Variants in FBLN2 observed in about 807,000 individuals in gnomAD.
The protein encoded by FBLN2 is fibulin-2.
FBLN2 carries 81 observed loss-of-function variants against 123.7 expected under a neutral mutation model. The ratio of observed to expected loss-of-function variants is 0.65; its 90% CI spans 0.55 to 0.79. The LOEUF is 0.79. FBLN2 is among the 30% of genes least tolerant of loss of function. The pLI is 0.00. For missense variants in FBLN2, 1,603 were observed against 1,681.3 expected (o/e 0.95, Z 0.81); for synonymous variants, 699 against 701.4 (o/e 1.00, Z 0.05).
Position 13,631,318 on chromosome 3 carries a change from C to A in FBLN2, c.3086-11C>A. 1 of 1,600,322 alleles carries A rather than the reference C, an allele frequency of 6.2e-7. No individual in the cohort carries two copies. ...ACGAGGTTCACCAGGGGCTGAACCT[C>A]TCTCTGACAGACATCGACGAGTGTG... On this transcript the variant is annotated splice_polypyrimidine_tract_variant and intron_variant, in intron 15 of 17. Transcript: ENST00000404922.
intron 4 of FBLN2, among the ~76,000 whole-genome samples, chr3:13,613,744 G>A (rs559651489): frequency 7.9e-5 from 12 of 152,320 alleles, no homozygotes; most frequent in Admixed American, 3.3e-4. Context: ...TGGCTGGGGG[G>A]TTATAGTTCC....
At chr3:13,584,774 G>A (rs114053270) in intron 2 of FBLN2, among the ~76,000 whole-genome samples, 1,960 of 152,302 alleles carry the variant, frequency 0.013, 17 homozygotes, top group Non-Finnish European at 0.02. Context: ...GGGACTGTCC[G>A]CAATGCCACC....
At chr3:13,573,669 C>T (rs1704036872) in intron 2 of FBLN2, among the ~76,000 whole-genome samples, 1 of 152,076 alleles carries the variant, frequency 6.6e-6, no homozygotes, top group African/African-American at 2.4e-5. Context: ...TTTGGGAGGC[C>T]AAGGTGGGTG....
intron 2 of FBLN2, among the ~76,000 whole-genome samples, chr3:13,605,601 C>G (rs1008516917): frequency 2.6e-5 from 4 of 152,168 alleles, no homozygotes; most frequent in South Asian, 4.1e-4. Context: ...ATCCTCCCCC[C>G]CAGTGATGGA....
chr3:13,557,831 C>T (rs1336181682), intron 1 of FBLN2, among the ~76,000 whole-genome samples: 2 of 152,254 alleles, frequency 1.3e-5, no homozygotes, highest in Admixed American at 1.3e-4. Flanking sequence ...CAGAGGGTCA[C>T]ATGCTCCGAG....
chr3:13,612,294 CCTTTCTTTCTTTCTTTCTTT>C lies in FBLN2; in HGVS notation c.1549-1661_1549-1642del, dbSNP rs67522122. Among the ~76,000 whole-genome samples the C allele has an allele frequency of 1.5e-3, 178 of 117,344 alleles. 1 individual carries two copies. Among genetic ancestry groups the C allele is most frequent in the South Asian group, 6.1e-3 (21 of 3,466 alleles). The allele number at this position is 117,344 out of a possible 152,430, so 77.0% of individuals were successfully genotyped here. On this transcript the variant is annotated intron_variant, in intron 4 of 17. Coordinates refer to ENST00000404922, the MANE Select transcript of FBLN2 (RefSeq NM_001004019.2). The stretch of plus-strand genomic sequence containing the variant: ...TTTTCCTTTTCTTTTCTTTTATTTT[CCTTTCTTTCTTTCTTTCTTT>C]CTTTCTTTCTTTCTTTCTTTCTTTC...
At chr3:13,617,981 TTGA>T in intron 5 of FBLN2, 92 bp from the exon 6 acceptor site, 1 of 1,093,758 alleles carries the variant, frequency 9.1e-7, no homozygotes, top group Non-Finnish European at 1.4e-6. Context: ...CACAGAGGTC[TTGA>T]TGAGGACCTG....
At chr3:13,589,566 A>G (rs1704607360) in intron 2 of FBLN2, among the ~76,000 whole-genome samples, 1 of 152,218 alleles carries the variant, frequency 6.6e-6, no homozygotes, top group African/African-American at 2.4e-5. Context: ...GAAGGGCCTC[A>G]GCCTCATCAT....
At position 13,571,659 on chromosome 3, in the gene FBLN2, A is replaced by C. The variant is rs1703964040; in HGVS notation, c.1304A>C (p.Glu435Ala). The change falls in exon 2 of 18, where the codon GAA becomes GCA. Residue 435 changes from glutamate to alanine, a missense_variant and splice_region_variant. Physicochemically the swap from Glu to Ala is moderately radical, Grantham distance 107. Transcript: ENST00000404922. ...SVHSIPRSSP[E>A]GSTKDLIETC... ...CATTCTATCCCCAGAAGTAGCCCTG[A>C]AGGTAAGACCCTGTCCTGGTTCCTT... The C allele has an allele frequency of 6.3e-7, 1 of 1,588,500 alleles. No homozygotes were observed. Among genetic ancestry groups the C allele is most frequent in the East Asian group, 2.2e-5 (1 of 44,604 alleles).
intron 13 of FBLN2, 122 bp from the exon 14 acceptor site, chr3:13,629,698 C>A: frequency 7.4e-7 from 1 of 1,348,874 alleles, no homozygotes; most frequent in Non-Finnish European, 1.0e-6. Context: ...TGGCCTCTCC[C>A]TGTCTTTCCT....
Position 13,621,928 on chromosome 3 carries a change from C to G in FBLN2, c.2296+13C>G, listed in dbSNP as rs764606071. ...AGGAAGTGCGTGGGTAAGCCAGGGC[C>G]CCGCCTGCCGCCCGCCGTCACAGCT... is the stretch of plus-strand genomic sequence containing the variant. On this transcript the variant is annotated intron_variant, in intron 9 of 17. Transcript: ENST00000404922. 6.2e-7 allele frequency: 1 copy of G among 1,607,664 alleles called. No individual in the cohort carries two copies. Among genetic ancestry groups the G allele is most frequent in the African/African-American group, 1.3e-5 (1 of 74,998 alleles).
At chr3:13,632,086 C>T (rs1040956024) in intron 16 of FBLN2, among the ~76,000 whole-genome samples, 1 of 152,194 alleles carries the variant, frequency 6.6e-6, no homozygotes, top group Non-Finnish European at 1.5e-5. Context: ...AGACCGTGTT[C>T]TGTGGTATTT....
In FBLN2 at chr3:13,636,482, C is replaced by T. The variant is rs767984689; in HGVS notation, c.3252C>T (p.Ser1084=). ...DECALGTHNC[S]EAETCHNIQG... The stretch of plus-strand genomic sequence containing the variant: ...GTGCACTGGGTACCCACAACTGTTC[C>T]GAGGCTGAGACCTGCCACAACATCC... The change falls in exon 17 of 18, where the codon TCC becomes TCT. Residue 1084 remains serine, a synonymous_variant. Transcript: ENST00000404922. 19 of 1,613,274 alleles carry T rather than the reference C, an allele frequency of 1.2e-5. No individual in the cohort carries two copies. The highest frequency in any genetic ancestry group is 8.0e-5 in the African/African-American group (6 of 74,900).
intron 2 of FBLN2, among the ~76,000 whole-genome samples, chr3:13,591,423 T>C (rs1468631130): frequency 6.6e-6 from 1 of 152,256 alleles, no homozygotes; most frequent in East Asian, 1.9e-4. Flanking sequence ...TATTGATCTA[T>C]ATATTTATGT....
At chr3:13,581,883 C>T (rs1445282176) in intron 2 of FBLN2, among the ~76,000 whole-genome samples, 1 of 152,116 alleles carries the variant, frequency 6.6e-6, no homozygotes, top group Non-Finnish European at 1.5e-5. Flanking sequence ...AGCTCTGAAC[C>T]CAGATCTGTT....
intron 2 of FBLN2, among the ~76,000 whole-genome samples, chr3:13,606,421 G>A (rs1250051922): frequency 6.6e-6 from 1 of 152,126 alleles, no homozygotes; most frequent in Non-Finnish European, 1.5e-5. Context: ...GTGCCTTTGA[G>A]TTTTAAGACA....
At chr3:13,581,192 G>A (rs1313522915) in intron 2 of FBLN2, among the ~76,000 whole-genome samples, 1 of 150,722 alleles carries the variant, frequency 6.6e-6, no homozygotes, top group Admixed American at 6.6e-5. Flanking sequence ...CCACACACAC[G>A]CGGGGAAGTC....
At chr3:13,606,833 A>G (rs1004839198) in intron 2 of FBLN2, among the ~76,000 whole-genome samples, 1 of 149,676 alleles carries the variant, frequency 6.7e-6, no homozygotes, top group African/African-American at 2.5e-5. Context: ...TTGTATTTTT[A>G]GTAGAGACGG....
intron 1 of FBLN2, among the ~76,000 whole-genome samples, chr3:13,556,762 T>C (rs1163547709): frequency 1.3e-5 from 2 of 152,196 alleles, no homozygotes; most frequent in Non-Finnish European, 2.9e-5. Context: ...TGACCTGGGC[T>C]TGGTCCCCCA....
Sources: allele counts gnomAD v4.1 joint callset (sites outside exome capture counted in the v4.1 genomes callset), GRCh38; gene constraint gnomAD v4.1.1; transcripts MANE v1.5; gene names NCBI Gene and HGNC (gene_info 2026-07-23, HGNC 2026-07-21).